CORO1C: variants seen among roughly 807,000 people sequenced by gnomAD.
The protein encoded by CORO1C is coronin-1C.
A neutral mutation model predicts 51.2 loss-of-function variants in CORO1C; 14 were observed. The observed-to-expected ratio is 0.27, with a 90% CI of 0.18 to 0.43. CORO1C has a LOEUF of 0.43. Ranked by LOEUF, CORO1C falls within the 20% of genes least tolerant of loss-of-function variation. The probability of loss-of-function intolerance (pLI) is 1.00; values close to 1 mark genes in which losing one functional copy is unlikely to be tolerated. For synonymous variants in CORO1C, 181 were observed against 210.5 expected (o/e 0.86, Z 1.21); for missense variants, 417 against 607.8 (o/e 0.69, Z 3.30).
At chr12:108,702,936 C>A (rs2034921116) in intron 1 of CORO1C, 2 of 1,533,986 alleles carry the variant, frequency 1.3e-6, no homozygotes, top group Non-Finnish European at 1.7e-6. Flanking sequence ...CAGCTGACTA[C>A]CAGGGCCATA....
chr12:108,666,478 T>A (rs2033482119), intron 3 of CORO1C, among the ~76,000 whole-genome samples: 1 of 152,140 alleles, frequency 6.6e-6, no homozygotes, highest in Non-Finnish European at 1.5e-5. Context: ...ATACACATGC[T>A]CTGGCTGGCA....
At chr12:108,716,314 A>G (rs2035336686) in intron 1 of CORO1C, among the ~76,000 whole-genome samples, 1 of 152,066 alleles carries the variant, frequency 6.6e-6, no homozygotes, top group African/African-American at 2.4e-5. Flanking sequence ...TTTATTAATT[A>G]TTTGGCAATA....
chr12:108,685,837 G>A (rs1325331660), intron 2 of CORO1C, among the ~76,000 whole-genome samples: 1 of 152,158 alleles, frequency 6.6e-6, no homozygotes, highest in Non-Finnish European at 1.5e-5. Context: ...AAGACAGTAT[G>A]GGGGTAGATG....
intron 7 of CORO1C, among the ~76,000 whole-genome samples, 178 bp from the exon 8 acceptor site, chr12:108,652,595 T>G (rs1339983957): frequency 6.6e-6 from 1 of 152,208 alleles, no homozygotes; most frequent in Non-Finnish European, 1.5e-5. Flanking sequence ...CCTCACAAAG[T>G]AACCCCTTAC....
intron 3 of CORO1C, among the ~76,000 whole-genome samples, chr12:108,662,941 C>T (rs1182762594): frequency 6.6e-6 from 1 of 152,088 alleles, no homozygotes; most frequent in African/African-American, 2.4e-5. Context: ...ATAAGAGACC[C>T]ATAGCCTGAA....
Position 108,723,485 on chromosome 12 carries a change from C to T in CORO1C, c.-6+7944G>A, listed in dbSNP as rs949560913. On this transcript the variant is annotated intron_variant, in intron 1 of 10. Coordinates refer to ENST00000261401, the MANE Select transcript of CORO1C (RefSeq NM_014325.4). ...ATCAAAAGTAGAAAATACAGCCTGACGGCTTCACTCTCCTAACACTTCCTT... is the reference window on the plus strand; with the variant it reads ...ATCAAAAGTAGAAAATACAGCCTGATGGCTTCACTCTCCTAACACTTCCTT... Among the ~76,000 whole-genome samples, 5 of 152,218 alleles carry T rather than the reference C, an allele frequency of 3.3e-5. No individual in the cohort carries two copies. In the South Asian group the frequency reaches 6.2e-4, roughly 19 times the overall value.
intron 8 of CORO1C, among the ~76,000 whole-genome samples, chr12:108,651,311 T>G (rs2136794090): frequency 6.6e-6 from 1 of 152,360 alleles, no homozygotes; most frequent in East Asian, 1.9e-4. Flanking sequence ...CTAATTATTC[T>G]GTTGTTTGAA....
At chr12:108,711,482 C>A (rs1470172424) in intron 1 of CORO1C, among the ~76,000 whole-genome samples, 2 of 152,078 alleles carry the variant, frequency 1.3e-5, no homozygotes, top group African/African-American at 4.8e-5. Flanking sequence ...GAGTTCGAGA[C>A]CAGACTGGCC....
chr12:108,652,055 CTTTTT>C (rs202228272), intron 8 of CORO1C: 3 of 142,944 alleles, frequency 2.1e-5, no homozygotes, highest in Non-Finnish European at 3.8e-5. Context: ...TTTTTCTTTT[CTTTTT>C]TTTTTTTTTT....
intron 2 of CORO1C, chr12:108,700,913 G>C: frequency 1.8e-6 from 1 of 552,196 alleles, no homozygotes; most frequent in East Asian, 3.0e-5. Flanking sequence ...TCCATAGAGG[G>C]CATCCCCAGA....
intron 3 of CORO1C, among the ~76,000 whole-genome samples, chr12:108,672,073 T>G (rs185857886): frequency 1.3e-5 from 2 of 152,208 alleles, no homozygotes; most frequent in Non-Finnish European, 2.9e-5. Flanking sequence ...AATCATTTTA[T>G]ATTCAGAGAA....
chr12:108,711,471 G>A (rs2136876607), intron 1 of CORO1C, among the ~76,000 whole-genome samples: 1 of 152,230 alleles, frequency 6.6e-6, no homozygotes, highest in East Asian at 1.9e-4. Context: ...CCTGAGGTCA[G>A]GAGTTCGAGA....
At chr12:108,672,470 G>A (rs2033755467) in intron 3 of CORO1C, among the ~76,000 whole-genome samples, 1 of 152,118 alleles carries the variant, frequency 6.6e-6, no homozygotes, top group Non-Finnish European at 1.5e-5. Flanking sequence ...ACTATTACAT[G>A]TATAACGTGA....
intron 10 of CORO1C, among the ~76,000 whole-genome samples, chr12:108,648,222 T>C (rs976501371): frequency 6.6e-6 from 1 of 152,126 alleles, no homozygotes; most frequent in African/African-American, 2.4e-5. Flanking sequence ...CTGGTGCCTA[T>C]GACCCCACAC....
chr12:108,704,162 AC>A (rs1665619049), intron 1 of CORO1C, among the ~76,000 whole-genome samples: 1 of 152,218 alleles, frequency 6.6e-6, no homozygotes, highest in Non-Finnish European at 1.5e-5. Context: ...CTTCTGGCTG[AC>A]ATACATACTA....
At chr12:108,704,161 G>T (rs2034960275) in intron 1 of CORO1C, among the ~76,000 whole-genome samples, 1 of 152,168 alleles carries the variant, frequency 6.6e-6, no homozygotes, top group Non-Finnish European at 1.5e-5. Flanking sequence ...TCTTCTGGCT[G>T]ACATACATAC....
At chr12:108,703,463 G>C (rs1020717326) in intron 1 of CORO1C, among the ~76,000 whole-genome samples, 1 of 152,182 alleles carries the variant, frequency 6.6e-6, no homozygotes, top group African/African-American at 2.4e-5. Flanking sequence ...GGCTACAAGA[G>C]AGCAAATGTG....
chr12:108,652,401 C>T lies in CORO1C; in HGVS notation c.872G>A (p.Arg291His), dbSNP rs370648888. ...YLCGKGDSSI[R>H]YFEITDESPY... is the part of the protein sequence containing the mutation. ...GGATTCATCCGTGATCTCAAAATAG[C>T]GAATACTGCTGTCACCCTGTAAGAA... The change falls in exon 8 of 11, where the codon CGC becomes CAC. Residue 291 changes from arginine (R) to histidine (H), a missense_variant. Arg to His is a conservative substitution (Grantham distance 29). Transcript: ENST00000261401. 11 of 1,613,274 alleles carry T rather than the reference C, an allele frequency of 6.8e-6. No homozygotes were observed. Among genetic ancestry groups the T allele is most frequent in the East Asian group, 2.2e-5 (1 of 44,888 alleles).
At chr12:108,684,336 T>C (rs1228010899) in intron 2 of CORO1C, among the ~76,000 whole-genome samples, 2 of 152,124 alleles carry the variant, frequency 1.3e-5, no homozygotes, top group Non-Finnish European at 2.9e-5. Flanking sequence ...ATAAACTGCT[T>C]ACAGAACACC....
Sources: gnomAD v4.1 joint callset for allele counts (sites outside exome capture counted in the v4.1 genomes callset) on GRCh38, gnomAD v4.1.1 for gene constraint, MANE v1.5 for transcripts, NCBI Gene and HGNC (gene_info 2026-07-23, HGNC 2026-07-21) for gene names.